Variants in SUSD6 observed in about 807,000 individuals in gnomAD.
SUSD6 encodes sushi domain-containing protein 6.
A neutral mutation model predicts 28.4 loss-of-function variants in SUSD6; 16 were observed. The ratio of observed to expected loss-of-function variants is 0.56; its 90% CI spans 0.38 to 0.86. SUSD6 has a LOEUF of 0.86. Among genes scored for constraint, SUSD6 ranks in the 40% least tolerant of loss-of-function variants. The probability of loss-of-function intolerance (pLI) is 0.00; values close to 1 mark genes in which losing one functional copy is unlikely to be tolerated. For synonymous variants in SUSD6, 147 were observed against 159.6 expected, an observed-to-expected ratio of 0.92 and a Z score of 0.59; for missense variants, 341 against 384.2, an observed-to-expected ratio of 0.89 and a Z score of 0.94.
rs926397097 is a variant in SUSD6 at position 69,713,924 on chromosome 14, C to G, written c.*2945C>G. ...CTTGCAGTCACATTCTAATGACTTT[C>G]AAGGGCCAGAATATGGTGAAAATCA... On this transcript the variant is annotated 3_prime_UTR_variant, in exon 6 of 6. Transcript: ENST00000342745. 3.6e-5 allele frequency: 5 copies of G among 138,296 alleles called. No homozygotes were observed. Among genetic ancestry groups the G allele is most frequent in the African/African-American group, 1.4e-4 (5 of 36,952 alleles). 8.6% of individuals were successfully genotyped at this position (138,296 alleles called of 1,614,324 possible).
At chr14:69,687,475 T>C (rs1156442419) in intron 2 of SUSD6, among the ~76,000 whole-genome samples, 1 of 152,250 alleles carries the variant, frequency 6.6e-6, no homozygotes, top group African/African-American at 2.4e-5. Flanking sequence ...CAAACATTGC[T>C]AGCCTTCTAT....
chr14:69,691,385 C>T (rs1033492169), intron 2 of SUSD6, among the ~76,000 whole-genome samples: 1 of 152,176 alleles, frequency 6.6e-6, no homozygotes, highest in Non-Finnish European at 1.5e-5. Context: ...TTCAGACCTC[C>T]ACCCCTCAAC....
At chr14:69,658,254 T>A (rs1180991831) in intron 1 of SUSD6, among the ~76,000 whole-genome samples, 2 of 152,098 alleles carry the variant, frequency 1.3e-5, no homozygotes, top group South Asian at 4.1e-4. Context: ...CTGGGCAGTT[T>A]CTGAAAGCCC....
chr14:69,617,617 CAAAT>C (rs1463637641), intron 1 of SUSD6: 2 of 152,198 alleles, frequency 1.3e-5, no homozygotes, highest in Non-Finnish European at 2.9e-5. Flanking sequence ...CTGCTTTAAA[CAAAT>C]AAAGAGGATT....
At chr14:69,630,706 CT>C (rs1885181032) in intron 1 of SUSD6, among the ~76,000 whole-genome samples, 1 of 152,078 alleles carries the variant, frequency 6.6e-6, no homozygotes, top group African/African-American at 2.4e-5. Flanking sequence ...ACCTCTTCCC[CT>C]CTCAACCCTT....
At chr14:69,693,221 G>A (rs1886177350) in intron 2 of SUSD6, among the ~76,000 whole-genome samples, 1 of 152,162 alleles carries the variant, frequency 6.6e-6, no homozygotes, top group African/African-American at 2.4e-5. Context: ...TGTACCTGGA[G>A]CAGCAGGATA....
chr14:69,674,591 G>T (rs1007446732), intron 2 of SUSD6, among the ~76,000 whole-genome samples: 11 of 152,238 alleles, frequency 7.2e-5, no homozygotes, highest in African/African-American at 2.4e-4. Context: ...TGTCTCTTCT[G>T]CCCACTTTGT....
chr14:69,690,159 C>T (rs1034527725), intron 2 of SUSD6, among the ~76,000 whole-genome samples: 2 of 152,132 alleles, frequency 1.3e-5, no homozygotes, highest in African/African-American at 4.8e-5. Context: ...AAGTGGCTTG[C>T]GAGAGACTAG....
chr14:69,681,675 T>C (rs957850222), intron 2 of SUSD6, among the ~76,000 whole-genome samples: 1 of 152,238 alleles, frequency 6.6e-6, no homozygotes, highest in Admixed American at 6.5e-5. Flanking sequence ...TTCTTGAGAA[T>C]GGTCGCTATA....
intron 1 of SUSD6, among the ~76,000 whole-genome samples, chr14:69,643,726 A>T (rs1885386019): frequency 1.3e-5 from 2 of 152,186 alleles, no homozygotes; most frequent in African/African-American, 4.8e-5. Context: ...ACCTGGCCTT[A>T]TTCTGTGCCA....
chr14:69,709,790 C>T (rs1886437025), intron 5 of SUSD6, among the ~76,000 whole-genome samples: 1 of 152,140 alleles, frequency 6.6e-6, no homozygotes, highest in Non-Finnish European at 1.5e-5. Context: ...TGCCAGAGGC[C>T]AGTTTACCCT....
intron 2 of SUSD6, among the ~76,000 whole-genome samples, chr14:69,703,014 C>T (rs1488985168): frequency 6.6e-6 from 1 of 152,188 alleles, no homozygotes; most frequent in African/African-American, 2.4e-5. Context: ...ACAAGGCCAA[C>T]ATTTTTCCTC....
At chr14:69,692,346 G>A (rs1282905081) in intron 2 of SUSD6, among the ~76,000 whole-genome samples, 2 of 152,152 alleles carry the variant, frequency 1.3e-5, no homozygotes, top group African/African-American at 4.8e-5. Flanking sequence ...AGGTCTTGGG[G>A]TAAATTTTTT....
At chr14:69,669,452 A>G in intron 2 of SUSD6, among the ~76,000 whole-genome samples, 1 of 152,218 alleles carries the variant, frequency 6.6e-6, no homozygotes, top group East Asian at 1.9e-4. Flanking sequence ...TGAAGGAGGA[A>G]TGTATATGGA....
intron 1 of SUSD6, among the ~76,000 whole-genome samples, chr14:69,653,687 T>C (rs192292055): frequency 8.6e-5 from 13 of 152,012 alleles, no homozygotes; most frequent in African/African-American, 2.9e-4. Flanking sequence ...ATGGATTCTT[T>C]TTGTTTAAAC....
At chr14:69,614,561 C>T (rs1477339078) in intron 1 of SUSD6, among the ~76,000 whole-genome samples, 1 of 152,226 alleles carries the variant, frequency 6.6e-6, no homozygotes, top group African/African-American at 2.4e-5. Context: ...CATTGTTTCA[C>T]TCCCTCCACA....
rs1379589591 is a variant in SUSD6 at position 69,643,994 on chromosome 14, GCTTATCTTC to G, written c.-80-14516_-80-14508del. On this transcript the variant is annotated intron_variant, in intron 1 of 5. Transcript: ENST00000342745. ...TGTCACTTCCCTCTTCTGGACTCCA[GCTTATCTTC>G]CTGTTTTATCTTTGACACGTTGGCT... 1.2e-4 allele frequency among the ~76,000 whole-genome samples: 18 copies of G among 152,244 alleles called. No homozygotes were observed. The East Asian group carries it at 3.5e-3, about 29-fold the overall frequency.
intron 2 of SUSD6, chr14:69,670,312 A>G (rs1166861063): frequency 2.5e-6 from 1 of 405,978 alleles, no homozygotes; most frequent in Admixed American, 2.5e-5. Flanking sequence ...GATTTATTCC[A>G]CAGGTACTCG....
intron 2 of SUSD6, among the ~76,000 whole-genome samples, chr14:69,700,818 G>A (rs1886302987): frequency 6.6e-6 from 1 of 152,188 alleles, no homozygotes; most frequent in South Asian, 2.1e-4. Flanking sequence ...CTGGAAAGAG[G>A]AACCCAGTGA....
Sources: allele counts gnomAD v4.1 joint callset (sites outside exome capture counted in the v4.1 genomes callset), GRCh38; gene constraint gnomAD v4.1.1; transcripts MANE v1.5; gene names NCBI Gene and HGNC (gene_info 2026-07-23, HGNC 2026-07-21).